Variants in TRMT11 observed in about 807,000 individuals in gnomAD.
TRMT11 encodes tRNA (guanine(10)-N(2))-methyltransferase TRMT11.
Under a neutral mutation model 62.8 loss-of-function variants are expected in TRMT11, and 53 were observed. The ratio of observed to expected loss-of-function variants is 0.84; its 90% CI spans 0.68 to 1.06. TRMT11 has a LOEUF of 1.06. Ranked by LOEUF, TRMT11 falls within the 50% of genes least tolerant of loss-of-function variation. The pLI is 0.00. For synonymous variants in TRMT11, 188 were observed against 190.3 expected (o/e 0.99, Z 0.10); for missense variants, 556 against 553.4 (o/e 1.00, Z -0.05).
At chr6:126,038,236 C>T (rs994076569) in intron 12 of TRMT11, among the ~76,000 whole-genome samples, 6 of 151,646 alleles carry the variant, frequency 4.0e-5, no homozygotes, top group African/African-American at 1.5e-4. Context: ...ATAGAAATAC[C>T]CCCAGACAAT....
intron 12 of TRMT11, among the ~76,000 whole-genome samples, chr6:126,027,430 T>A (rs1243189046): frequency 6.6e-6 from 1 of 152,196 alleles, no homozygotes; most frequent in East Asian, 1.9e-4. Context: ...TACTCTATAA[T>A]AGATACATGA....
At chr6:126,197,327 A>G (rs559781990) in intron 1 of TRMT11, among the ~76,000 whole-genome samples, 1 of 152,052 alleles carries the variant, frequency 6.6e-6, no homozygotes, top group Non-Finnish European at 1.5e-5. Context: ...CTTAGAAAAA[A>G]ATTTTTTCTG....
At chr6:126,149,061 G>T (rs1209523244) in intron 21 of TRMT11, among the ~76,000 whole-genome samples, 3 of 152,184 alleles carry the variant, frequency 2.0e-5, no homozygotes, top group African/African-American at 7.2e-5. Context: ...TTGAAAGCAA[G>T]TAGATAGTAT....
chr6:126,265,305 A>G, the TRMT11 span, among the ~76,000 whole-genome samples: 1 of 152,096 alleles, frequency 6.6e-6, no homozygotes, highest in Admixed American at 6.6e-5. Context: ...TTTACCTCCT[A>G]TAGTATTATT....
the TRMT11 span, among the ~76,000 whole-genome samples, chr6:126,217,213 C>A: frequency 1.3e-5 from 2 of 152,196 alleles, no homozygotes; most frequent in African/African-American, 2.4e-5. Context: ...CTATGACTGT[C>A]TCTCCAAGAT....
chr6:126,020,417 C>T (rs1337999240), intron 11 of TRMT11, among the ~76,000 whole-genome samples: 1 of 152,200 alleles, frequency 6.6e-6, no homozygotes, highest in East Asian at 1.9e-4. Context: ...TTGATGCTAA[C>T]AACCTGTCAG....
At chr6:126,210,445 C>G in the TRMT11 span, among the ~76,000 whole-genome samples, 1 of 152,166 alleles carries the variant, frequency 6.6e-6, no homozygotes, top group South Asian at 2.1e-4. Flanking sequence ...ACTTTGATTG[C>G]AGCTATGTAA....
chr6:126,067,196 T>C (rs973471626), intron 17 of TRMT11, among the ~76,000 whole-genome samples: 3 of 140,702 alleles, frequency 2.1e-5, no homozygotes, highest in Non-Finnish European at 4.5e-5. Flanking sequence ...TGAGACTCCT[T>C]CTCAAAAAAA....
chr6:126,083,263 A>G (rs1384025310), intron 17 of TRMT11, among the ~76,000 whole-genome samples: 2 of 152,136 alleles, frequency 1.3e-5, no homozygotes, highest in African/African-American at 4.8e-5. Flanking sequence ...GAGTTTACCA[A>G]CAGTAGTCTC....
At chr6:126,016,659 A>G (rs1411209047) in intron 11 of TRMT11, among the ~76,000 whole-genome samples, 1 of 151,744 alleles carries the variant, frequency 6.6e-6, no homozygotes, top group Non-Finnish European at 1.5e-5. Context: ...CATATAACCA[A>G]AGTGATGTTT....
chr6:126,216,627 A>G, the TRMT11 span, among the ~76,000 whole-genome samples: 2 of 151,966 alleles, frequency 1.3e-5, no homozygotes, highest in Admixed American at 6.6e-5. Flanking sequence ...GTGCTCCATT[A>G]TATGCTATTT....
the TRMT11 span, among the ~76,000 whole-genome samples, chr6:126,245,714 A>G: frequency 2.6e-5 from 4 of 152,196 alleles, no homozygotes; most frequent in Non-Finnish European, 4.4e-5. Flanking sequence ...GGAAACTGGA[A>G]ATTGGTATGG....
intron 21 of TRMT11, among the ~76,000 whole-genome samples, chr6:126,161,484 ATGGGCATTTGGG>A (rs1012316431): frequency 6.6e-6 from 1 of 152,144 alleles, no homozygotes; most frequent in African/African-American, 2.4e-5. Context: ...TCTATTATTG[ATGGGCATTTGGG>A]TTGGTTTCAA....
chr6:126,218,647 G>A, the TRMT11 span, among the ~76,000 whole-genome samples: 186 of 152,306 alleles, frequency 1.2e-3, no homozygotes, highest in African/African-American at 4.2e-3. Flanking sequence ...CAAGTGGAAG[G>A]AAGAATTCTC....
intron 12 of TRMT11, among the ~76,000 whole-genome samples, chr6:126,031,313 C>A (rs1774146795): frequency 6.6e-6 from 1 of 152,100 alleles, no homozygotes; most frequent in African/African-American, 2.4e-5. Context: ...ATTACCTGTT[C>A]CTTGAGAGGA....
intron 17 of TRMT11, among the ~76,000 whole-genome samples, chr6:126,055,241 A>G (rs1271241776): frequency 1.3e-5 from 2 of 152,200 alleles, no homozygotes; most frequent in African/African-American, 4.8e-5. Context: ...CTATGATTAC[A>G]GGCATGAGCC....
the TRMT11 span, among the ~76,000 whole-genome samples, chr6:126,239,570 G>A: frequency 1.1e-4 from 17 of 152,184 alleles, no homozygotes; most frequent in Non-Finnish European, 2.2e-4. Flanking sequence ...TTTCTGCGGC[G>A]AGATCAGCTG....
chr6:126,245,440 A>G, the TRMT11 span, among the ~76,000 whole-genome samples: 1 of 152,232 alleles, frequency 6.6e-6, no homozygotes, highest in Non-Finnish European at 1.5e-5. Context: ...GAATTGCTCA[A>G]ACTTAAAGGG....
intron 21 of TRMT11, among the ~76,000 whole-genome samples, chr6:126,170,135 G>T (rs867523710): frequency 2.0e-5 from 3 of 151,758 alleles, no homozygotes; most frequent in African/African-American, 7.3e-5. Flanking sequence ...TGTCAGCCTG[G>T]TGTCTTTTAT....
Sources: gnomAD v4.1 joint callset for allele counts (sites outside exome capture counted in the v4.1 genomes callset) on GRCh38, gnomAD v4.1.1 for gene constraint, MANE v1.5 for transcripts, NCBI Gene and HGNC (gene_info 2026-07-23, HGNC 2026-07-21) for gene names.